Variants in LMAN2L observed in about 807,000 individuals in gnomAD.
LMAN2L encodes VIP36-like protein.
LMAN2L carries 30 observed loss-of-function variants against 44.3 expected under a neutral mutation model. The ratio of observed to expected loss-of-function variants is 0.68; its 90% CI spans 0.51 to 0.92. The LOEUF (loss-of-function observed/expected upper bound fraction) is 0.92, where lower values mean the gene tolerates loss of function less well. LMAN2L is among the 40% of genes least tolerant of loss of function. The pLI is 0.00. For missense variants in LMAN2L, 429 were observed against 446.1 expected (o/e 0.96, Z 0.35); for synonymous variants, 183 against 171.1 (o/e 1.07, Z -0.54).
chr2:96,720,107 G>C lies in LMAN2L; in HGVS notation c.508-8082C>G, dbSNP rs188619600. ...TTGTTAAATTTTCTTCCAGTTCAAA[G>C]GAGGAAAAAACAATCATCACATCAA... is the stretch of plus-strand genomic sequence containing the variant. On this transcript the variant is annotated intron_variant, in intron 4 of 7. Coordinates refer to ENST00000264963, the MANE Select transcript of LMAN2L (RefSeq NM_030805.4). Among the ~76,000 whole-genome samples the C allele has an allele frequency of 2.0e-5, 3 of 152,172 alleles. No individual in the cohort carries two copies. The East Asian group carries it at 5.8e-4, about 29-fold the overall frequency.
chr2:96,712,038 G>C lies in LMAN2L; in HGVS notation c.508-13C>G, dbSNP rs756563694. ...AGGGGAATACCCGCTGGAAAGCAGA[G>C]AGGGGGAAGCAGACACTAAGGAAGA... On this transcript the variant is annotated splice_polypyrimidine_tract_variant and intron_variant, in intron 4 of 7. Coordinates refer to ENST00000264963, the MANE Select transcript of LMAN2L (RefSeq NM_030805.4). 6.2e-7 allele frequency: 1 copy of C among 1,613,980 alleles called. No homozygotes were observed. The highest frequency in any genetic ancestry group is 8.5e-7 in the Non-Finnish European group (1 of 1,179,886).
chr2:96,729,105 G>A (rs1193077174), intron 4 of LMAN2L, among the ~76,000 whole-genome samples: 1 of 151,810 alleles, frequency 6.6e-6, no homozygotes, highest in Non-Finnish European at 1.5e-5. Context: ...CCGGGAGGCG[G>A]AGCTTGCAGT....
intron 4 of LMAN2L, among the ~76,000 whole-genome samples, chr2:96,714,391 G>A (rs2077991315): frequency 1.3e-5 from 2 of 152,230 alleles, no homozygotes; most frequent in Non-Finnish European, 2.9e-5. Context: ...AGGCTGCAGT[G>A]CAGATCCCCT....
intron 4 of LMAN2L, among the ~76,000 whole-genome samples, chr2:96,722,068 C>T (rs574461995): frequency 5.3e-4 from 80 of 151,816 alleles, no homozygotes; most frequent in African/African-American, 1.6e-3. Context: ...GCCAGGTTCA[C>T]GCCATTCTCC....
chr2:96,723,405 T>C (rs1256362883), intron 4 of LMAN2L, among the ~76,000 whole-genome samples: 2 of 152,262 alleles, frequency 1.3e-5, no homozygotes, highest in East Asian at 3.8e-4. Flanking sequence ...TATTGAGTTG[T>C]AATAGTTCTT....
At chr2:96,726,855 G>A (rs945031659) in intron 4 of LMAN2L, among the ~76,000 whole-genome samples, 6 of 152,090 alleles carry the variant, frequency 3.9e-5, no homozygotes, top group Middle Eastern at 3.4e-3. Context: ...AGGTCGAGGC[G>A]GGCAGATCAC....
intron 1 of LMAN2L, among the ~76,000 whole-genome samples, chr2:96,739,556 C>T (rs1487594262): frequency 6.6e-6 from 1 of 152,156 alleles, no homozygotes; most frequent in Non-Finnish European, 1.5e-5. Context: ...TCAATCACTC[C>T]TCACCATTCT....
At chr2:96,711,068 T>G (rs889316581) in intron 6 of LMAN2L, among the ~76,000 whole-genome samples, 1 of 152,170 alleles carries the variant, frequency 6.6e-6, no homozygotes, top group Non-Finnish European at 1.5e-5. Context: ...ATGGGTTAAA[T>G]GAGCTGAGGA....
intron 7 of LMAN2L, 32 bp downstream of exon 7, chr2:96,707,682 T>A (rs1275373206): frequency 6.2e-7 from 1 of 1,613,156 alleles, no homozygotes; most frequent in East Asian, 2.2e-5. Flanking sequence ...TCCCCAACTA[T>A]GGGACCATTT....
intron 4 of LMAN2L, among the ~76,000 whole-genome samples, chr2:96,722,550 G>A (rs13389722): frequency 1.3e-5 from 2 of 152,310 alleles, no homozygotes; most frequent in East Asian, 1.9e-4. Context: ...AGTAATGAGA[G>A]CAATGGGGAG....
rs544265062 is a variant in LMAN2L, at chr2:96,720,870, T to C, written c.508-8845A>G. Among the ~76,000 whole-genome samples, 5 of 152,140 alleles carry C rather than the reference T, an allele frequency of 3.3e-5. No homozygotes were observed. In the South Asian group the frequency reaches 8.3e-4, roughly 25 times the overall value. On this transcript the variant is annotated intron_variant, in intron 4 of 7. Coordinates refer to ENST00000264963, the MANE Select transcript of LMAN2L (RefSeq NM_030805.4). ...AGGAGAATCACTTGAACCTGGGAGA[T>C]GGACGTTGCAGTGAGCCAAGATCAC...
chr2:96,732,557 T>C (rs1558962593), intron 4 of LMAN2L, among the ~76,000 whole-genome samples: 2 of 150,076 alleles, frequency 1.3e-5, no homozygotes, highest in Non-Finnish European at 3.0e-5. Flanking sequence ...GGCAGAAGAA[T>C]AGCTTGAACC....
At chr2:96,723,297 T>C (rs2078198160) in intron 4 of LMAN2L, among the ~76,000 whole-genome samples, 1 of 152,222 alleles carries the variant, frequency 6.6e-6, no homozygotes, top group East Asian at 1.9e-4. Flanking sequence ...TGGCTGATGA[T>C]GCTCAGCCTC....
At chr2:96,721,277 C>T (rs1232954227) in intron 4 of LMAN2L, among the ~76,000 whole-genome samples, 1 of 149,118 alleles carries the variant, frequency 6.7e-6, no homozygotes, top group African/African-American at 2.5e-5. Context: ...ATAGTGTTTT[C>T]ATGGGTCATC....
chr2:96,734,488 G>A lies in LMAN2L; in HGVS notation c.345C>T (p.Phe115=). ...TCTTCTTTCCTTGTCCATGGATTTT[G>A]AAGTGCACCTGCAACTCCCAGTCTC... is the stretch of plus-strand genomic sequence containing the variant. The part of the protein sequence containing the change: ...FLRDWELQVH[F]KIHGQGKKNL... Residue 115 remains phenylalanine (F), a synonymous_variant, in exon 3 of 8, where the codon TTC becomes TTT. Coordinates refer to ENST00000264963, the MANE Select transcript of LMAN2L (RefSeq NM_030805.4). 6.2e-7 allele frequency: 1 copy of A among 1,613,468 alleles called. No individual in the cohort carries two copies. Among genetic ancestry groups the A allele is most frequent in the South Asian group, 1.1e-5 (1 of 91,070 alleles).
intron 2 of LMAN2L, 154 bp from the exon 3 acceptor site, chr2:96,734,680 C>T (rs1022226103): frequency 3.1e-5 from 19 of 611,970 alleles, no homozygotes; most frequent in South Asian, 2.7e-4. Context: ...GTGTTCATGT[C>T]ATAAAATTAA....
chr2:96,722,485 T>C (rs2078179238), intron 4 of LMAN2L, among the ~76,000 whole-genome samples: 1 of 152,050 alleles, frequency 6.6e-6, no homozygotes, highest in Non-Finnish European at 1.5e-5. Context: ...AGAGGGCTCC[T>C]GCTCCTATGA....
chr2:96,714,891 CTCAG>C (rs927855412), intron 4 of LMAN2L, among the ~76,000 whole-genome samples: 2 of 152,140 alleles, frequency 1.3e-5, no homozygotes, highest in East Asian at 1.9e-4. Context: ...ACATGGGTCC[CTCAG>C]TCAAAGAGTC....
Position 96,734,480 on chromosome 2 carries a change from T to C in LMAN2L, c.353A>G (p.His118Arg). ...ATGCAGATTCTTCTTTCCTTGTCCA[T>C]GGATTTTGAAGTGCACCTGCAACTC... ...DWELQVHFKI[H>R]GQGKKNLHGD... The change falls in exon 3 of 8, where the codon CAT becomes CGT. Residue 118 changes from histidine to arginine, a missense_variant. Coordinates refer to ENST00000264963, the MANE Select transcript of LMAN2L (RefSeq NM_030805.4). The C allele has an allele frequency of 3.1e-6, 5 of 1,613,944 alleles. No individual in the cohort carries two copies. Among genetic ancestry groups the C allele is most frequent in the East Asian group, 2.2e-5 (1 of 44,888 alleles).
Sources: allele counts gnomAD v4.1 joint callset (sites outside exome capture counted in the v4.1 genomes callset), GRCh38; gene constraint gnomAD v4.1.1; transcripts MANE v1.5; gene names NCBI Gene and HGNC (gene_info 2026-07-23, HGNC 2026-07-21).